The following CAMK2D variants were observed in gnomAD, a reference collection of about 807,000 sequenced individuals.
CAMK2D encodes the protein calcium/calmodulin-dependent protein kinase type II subunit delta.
In CAMK2D, 37 loss-of-function variants were observed where a neutral mutation model predicts 84.0. The observed-to-expected ratio is 0.44, with a 90% CI of 0.34 to 0.58. The LOEUF (loss-of-function observed/expected upper bound fraction) is 0.58. CAMK2D is among the 20% of genes least tolerant of loss of function. The pLI, the probability that CAMK2D is intolerant of heterozygous loss-of-function variation, is 0.02. For missense variants in CAMK2D, 448 were observed against 652.5 expected (o/e 0.69, Z 3.41); for synonymous variants, 202 against 212.5 (o/e 0.95, Z 0.43).
At chr4:113,735,134 A>C (rs2099577904) in intron 2 of CAMK2D, among the ~76,000 whole-genome samples, 1 of 151,658 alleles carries the variant, frequency 6.6e-6, no homozygotes. Flanking sequence ...TACACAGGAA[A>C]TATATATAAA....
chr4:113,694,399 GA>G, intron 2 of CAMK2D, among the ~76,000 whole-genome samples: 1 of 152,194 alleles, frequency 6.6e-6, no homozygotes, highest in Non-Finnish European at 1.5e-5. Flanking sequence ...TAATAATTAA[GA>G]AAAAAGGCAT....
intron 4 of CAMK2D, among the ~76,000 whole-genome samples, chr4:113,586,735 G>C (rs2098836060): frequency 1.3e-5 from 2 of 152,034 alleles, no homozygotes; most frequent in African/African-American, 2.4e-5. Flanking sequence ...ACCCACTCCA[G>C]TACTACTGAT....
At chr4:113,738,662 C>T (rs2099586536) in intron 2 of CAMK2D, among the ~76,000 whole-genome samples, 2 of 151,900 alleles carry the variant, frequency 1.3e-5, no homozygotes, top group South Asian at 4.1e-4. Flanking sequence ...TCTCCATATA[C>T]TAAATATATC....
chr4:113,505,372 C>T (rs2098115838), intron 13 of CAMK2D, among the ~76,000 whole-genome samples: 1 of 152,204 alleles, frequency 6.6e-6, no homozygotes, highest in Non-Finnish European at 1.5e-5. Flanking sequence ...AAGTTGGATT[C>T]TGTTTCCAAG....
chr4:113,615,595 T>A (rs1352603726), intron 3 of CAMK2D, among the ~76,000 whole-genome samples: 2 of 152,162 alleles, frequency 1.3e-5, no homozygotes, highest in Admixed American at 1.3e-4. Context: ...GTAATACAGT[T>A]AATAAAATGA....
At chr4:113,650,343 C>A (rs562502849) in intron 3 of CAMK2D, among the ~76,000 whole-genome samples, 5 of 151,394 alleles carry the variant, frequency 3.3e-5, no homozygotes, top group African/African-American at 9.7e-5. Flanking sequence ...CATGGTGAAA[C>A]CCCATCTCTA....
At chr4:113,657,665 C>T (rs923751226) in intron 3 of CAMK2D, among the ~76,000 whole-genome samples, 1 of 151,856 alleles carries the variant, frequency 6.6e-6, no homozygotes, top group Non-Finnish European at 1.5e-5. Context: ...AAAAATAACA[C>T]ATGAAAAAAA....
intron 19 of CAMK2D, 196 bp downstream of exon 19, chr4:113,457,139 G>C: frequency 7.1e-7 from 1 of 1,400,932 alleles, no homozygotes; most frequent in Non-Finnish European, 9.3e-7. Flanking sequence ...TCTATAGCAA[G>C]TTTCAACCCA....
chr4:113,590,034 G>C (rs1176053598), intron 4 of CAMK2D, among the ~76,000 whole-genome samples: 1 of 152,100 alleles, frequency 6.6e-6, no homozygotes, highest in African/African-American at 2.4e-5. Flanking sequence ...ATATTCAAAA[G>C]ACTTAAAATA....
At chr4:113,486,844 A>C (rs1045414833) in intron 16 of CAMK2D, among the ~76,000 whole-genome samples, 5 of 152,206 alleles carry the variant, frequency 3.3e-5, no homozygotes, top group African/African-American at 1.2e-4. Context: ...TTATACTAGA[A>C]TACAGTCCCT....
At chr4:113,470,412 G>T (rs1408597849) in intron 16 of CAMK2D, among the ~76,000 whole-genome samples, 1 of 152,102 alleles carries the variant, frequency 6.6e-6, no homozygotes, top group Non-Finnish European at 1.5e-5. Flanking sequence ...TGGAGAGGCC[G>T]AGGCGGGTGG....
At chr4:113,551,283 C>CA (rs1287774607) in intron 5 of CAMK2D, among the ~76,000 whole-genome samples, 3 of 152,082 alleles carry the variant, frequency 2.0e-5, no homozygotes, top group Non-Finnish European at 4.4e-5. Context: ...GCAAATTAGA[C>CA]AAAAAACTTA....
intron 16 of CAMK2D, among the ~76,000 whole-genome samples, chr4:113,474,775 T>C (rs1320071777): frequency 1.3e-5 from 2 of 151,916 alleles, no homozygotes; most frequent in Non-Finnish European, 2.9e-5. Context: ...GCCTCCAGAG[T>C]AGCTGGGATT....
chr4:113,689,782 A>G (rs1179654779), intron 2 of CAMK2D, among the ~76,000 whole-genome samples: 2 of 152,196 alleles, frequency 1.3e-5, no homozygotes, highest in Admixed American at 1.3e-4. Context: ...ATCTGAAATT[A>G]TCACATTTTA....
At chr4:113,608,156 T>C (rs1050680382) in intron 4 of CAMK2D, among the ~76,000 whole-genome samples, 8 of 152,180 alleles carry the variant, frequency 5.3e-5, no homozygotes, top group African/African-American at 1.7e-4. Context: ...TTTCAGACCA[T>C]AGGGGAACTC....
At chr4:113,750,718 T>C (rs1028452528) in intron 2 of CAMK2D, among the ~76,000 whole-genome samples, 3 of 151,960 alleles carry the variant, frequency 2.0e-5, no homozygotes, top group African/African-American at 7.3e-5. Flanking sequence ...TCTAAAAGAG[T>C]TGAAGCAGCC....
At chr4:113,510,341 A>G (rs2098194390) in intron 12 of CAMK2D, among the ~76,000 whole-genome samples, 1 of 152,204 alleles carries the variant, frequency 6.6e-6, no homozygotes, top group African/African-American at 2.4e-5. Flanking sequence ...TCATAAACAA[A>G]AGCCTTTACA....
intron 4 of CAMK2D, among the ~76,000 whole-genome samples, chr4:113,575,905 A>G (rs572091327): frequency 6.6e-6 from 1 of 152,238 alleles, no homozygotes; most frequent in Non-Finnish European, 1.5e-5. Context: ...TTGCTTACTG[A>G]CTTCCTAGTA....
chr4:113,469,075 C>G (rs916090031), intron 16 of CAMK2D, among the ~76,000 whole-genome samples: 1 of 152,094 alleles, frequency 6.6e-6, no homozygotes, highest in African/African-American at 2.4e-5. Flanking sequence ...GAACATTTTC[C>G]CTTTCAAATT....
Sources: gnomAD v4.1 joint callset for allele counts (sites outside exome capture counted in the v4.1 genomes callset) on GRCh38, gnomAD v4.1.1 for gene constraint, MANE v1.5 for transcripts, NCBI Gene and HGNC (gene_info 2026-07-23, HGNC 2026-07-21) for gene names.